The following TYW1 variants were observed in gnomAD, a reference collection of about 807,000 sequenced individuals.
The protein encoded by TYW1 is tRNA-yW synthesizing protein 1 homolog.
A neutral mutation model predicts 96.2 loss-of-function variants in TYW1; 46 were observed. That is an observed-to-expected ratio of 0.48 (90% CI 0.38 to 0.61). The LOEUF is 0.61. Among genes scored for constraint, TYW1 ranks in the 20% least tolerant of loss-of-function variants. The pLI is 0.00. For missense variants in TYW1, 684 were observed against 909.6 expected, an observed-to-expected ratio of 0.75 and a Z score of 3.19; for synonymous variants, 274 against 323.0, an observed-to-expected ratio of 0.85 and a Z score of 1.63.
At chr7:67,227,217 T>C (rs1326164391) in intron 15 of TYW1, among the ~76,000 whole-genome samples, 2 of 152,100 alleles carry the variant, frequency 1.3e-5, no homozygotes, top group East Asian at 3.9e-4. Flanking sequence ...AGAGTACCTT[T>C]GTTTATTTGT....
At position 67,230,438 on chromosome 7, in the gene TYW1, G is replaced by C. The variant is rs1356445601; in HGVS notation, c.1978-7870G>C. Among the ~76,000 whole-genome samples the C allele has an allele frequency of 3.3e-5, 5 of 150,752 alleles. No individual in the cohort carries two copies. In the East Asian group the frequency reaches 9.7e-4, roughly 29 times the overall value. On this transcript the variant is annotated intron_variant, in intron 15 of 15. Coordinates refer to ENST00000359626, the MANE Select transcript of TYW1 (RefSeq NM_018264.4). The stretch of plus-strand genomic sequence containing the variant: ...AAAATTCTACATGGACAGTTAAAAA[G>C]TCCAAGTTTATTAAAAAACAAAACA...
intron 13 of TYW1, among the ~76,000 whole-genome samples, chr7:67,139,415 C>G (rs1798370736): frequency 6.6e-6 from 1 of 152,114 alleles, no homozygotes; most frequent in African/African-American, 2.4e-5. Flanking sequence ...ATCCTTGAAA[C>G]AAAATGTACA....
At chr7:67,231,781 A>C (rs541387163) in intron 15 of TYW1, among the ~76,000 whole-genome samples, 2 of 151,490 alleles carry the variant, frequency 1.3e-5, no homozygotes, top group South Asian at 4.2e-4. Flanking sequence ...GACACCTTTA[A>C]TGTGGAAACT....
At chr7:67,047,403 A>G (rs11526166) in intron 7 of TYW1, among the ~76,000 whole-genome samples, 48,601 of 152,074 alleles carry the variant, frequency 0.32, 8,024 homozygotes, top group East Asian at 0.46. Flanking sequence ...ATTTTAAACT[A>G]TCTTAATAAA....
chr7:67,050,163 G>A lies in TYW1; in HGVS notation c.1102+97G>A. ...TCTCTCTCTAATTAGCTCAGCAGCT[G>A]TTCATAGTGGCAGATATAACAGTCT... On this transcript the variant is annotated intron_variant, in intron 8 of 15. Coordinates refer to ENST00000359626, the MANE Select transcript of TYW1 (RefSeq NM_018264.4). The A allele has an allele frequency of 2.9e-6, 4 of 1,373,196 alleles. No individual in the cohort carries two copies. In the South Asian group the frequency reaches 5.1e-5, roughly 17 times the overall value. The allele number at this position is 1,373,196 out of a possible 1,614,324, so 85.1% of individuals were successfully genotyped here. A position where few individuals can be genotyped will look rare whatever the true frequency, so the allele number is the denominator to read the frequency against.
intron 13 of TYW1, among the ~76,000 whole-genome samples, chr7:67,124,195 G>T (rs1226935880): frequency 2.6e-5 from 4 of 152,140 alleles, no homozygotes; most frequent in African/African-American, 9.7e-5. Flanking sequence ...TCATACATAT[G>T]TGTCTATATT....
chr7:67,072,248 CTTTT>C (rs35654128), intron 10 of TYW1, among the ~76,000 whole-genome samples: 1 of 128,946 alleles, frequency 7.8e-6, no homozygotes. Flanking sequence ...CCTCTACCCA[CTTTT>C]TTTTTTTTTT....
chr7:67,008,895 C>CA (rs996345538), intron 3 of TYW1, among the ~76,000 whole-genome samples: 1 of 152,182 alleles, frequency 6.6e-6, no homozygotes, highest in Admixed American at 6.5e-5. Flanking sequence ...TTCCTGACCT[C>CA]AAGTGATCCA....
At chr7:67,072,469 G>C (rs1348968085) in intron 10 of TYW1, among the ~76,000 whole-genome samples, 1 of 151,888 alleles carries the variant, frequency 6.6e-6, no homozygotes, top group African/African-American at 2.4e-5. Flanking sequence ...GGCTGGTCTT[G>C]AACTCCTCAC....
intron 15 of TYW1, among the ~76,000 whole-genome samples, chr7:67,237,832 T>C (rs1168718335): frequency 4.6e-5 from 7 of 152,160 alleles, no homozygotes; most frequent in African/African-American, 1.7e-4. Context: ...CTAGTTTGAG[T>C]CATTTAGTTA....
chr7:67,130,758 A>G (rs1296828502), intron 13 of TYW1, among the ~76,000 whole-genome samples: 3 of 152,164 alleles, frequency 2.0e-5, no homozygotes, highest in Admixed American at 2.0e-4. Flanking sequence ...TATGGATTTA[A>G]CAAATAACCT....
intron 7 of TYW1, among the ~76,000 whole-genome samples, chr7:67,039,325 G>A (rs368934352): frequency 2.6e-5 from 4 of 151,920 alleles, no homozygotes; most frequent in African/African-American, 9.7e-5. Flanking sequence ...AGGTGTGGTG[G>A]CAGGCACCTG....
chr7:67,042,624 G>A (rs1319734591), intron 7 of TYW1, among the ~76,000 whole-genome samples: 1 of 152,178 alleles, frequency 6.6e-6, no homozygotes, highest in Non-Finnish European at 1.5e-5. Context: ...CCTGAAGGCA[G>A]TGGGAGGCAA....
intron 15 of TYW1, among the ~76,000 whole-genome samples, chr7:67,226,156 T>C (rs1020112661): frequency 2.6e-5 from 4 of 152,218 alleles, no homozygotes; most frequent in Non-Finnish European, 4.4e-5. Context: ...AAGCTGTCCT[T>C]CTTCATTCTT....
At position 67,098,605 on chromosome 7, in the gene TYW1, C is replaced by G. The variant is rs1407621977; in HGVS notation, c.1449C>G (p.Ser483=). 6.2e-7 allele frequency: 1 copy of G among 1,613,350 alleles called. No homozygotes were observed. The highest frequency in any genetic ancestry group is 8.5e-7 in the Non-Finnish European group (1 of 1,179,778). Residue 483 remains serine, a synonymous_variant, in exon 12 of 16, where the codon TCC becomes TCG. Coordinates refer to ENST00000359626, the MANE Select transcript of TYW1 (RefSeq NM_018264.4). The part of the protein sequence containing the change: ...EGMTVKHCAL[S]LVGEPIMYPE... ...TGACGGTAAAGCACTGTGCATTGTC[C>G]CTCGTGGGAGAACCAATAATGTACC... is the stretch of plus-strand genomic sequence containing the variant.
intron 8 of TYW1, 46 bp downstream of exon 8, chr7:67,050,112 A>G (rs200405593): frequency 3.1e-4 from 503 of 1,600,980 alleles, no homozygotes; most frequent in South Asian, 1.9e-3. Context: ...AGTCTTAGGC[A>G]TTCTCATTTG....
intron 13 of TYW1, among the ~76,000 whole-genome samples, chr7:67,153,955 T>TCTCG (rs1222928145): frequency 7.1e-6 from 1 of 141,064 alleles, no homozygotes; most frequent in East Asian, 2.1e-4. Flanking sequence ...TGAGACGGAG[T>TCTCG]CTCGCTCTGT....
chr7:67,121,772 A>G (rs1005694557), intron 13 of TYW1, among the ~76,000 whole-genome samples: 1 of 150,898 alleles, frequency 6.6e-6, no homozygotes, highest in African/African-American at 2.5e-5. Context: ...CTGATCTAGT[A>G]CTACCCAAAG....
chr7:67,171,964 C>T (rs1206693049), intron 13 of TYW1, among the ~76,000 whole-genome samples: 3 of 152,096 alleles, frequency 2.0e-5, no homozygotes, highest in South Asian at 2.1e-4. Flanking sequence ...TCTCTGCTTC[C>T]ATCTGAAGGA....
Sources: gnomAD v4.1 joint callset for allele counts (sites outside exome capture counted in the v4.1 genomes callset) on GRCh38, gnomAD v4.1.1 for gene constraint, MANE v1.5 for transcripts, NCBI Gene and HGNC (gene_info 2026-07-23, HGNC 2026-07-21) for gene names.